TMTC2: variants seen among roughly 807,000 people sequenced by gnomAD.
The protein encoded by TMTC2 is protein O-mannosyl-transferase TMTC2.
Under a neutral mutation model 82.4 loss-of-function variants are expected in TMTC2, and 43 were observed. That is an observed-to-expected ratio of 0.52 (90% CI 0.41 to 0.67). The LOEUF (loss-of-function observed/expected upper bound fraction) is 0.67, where lower values mean the gene tolerates loss of function less well. Ranked by LOEUF, TMTC2 falls within the 30% of genes least tolerant of loss-of-function variation. The pLI, the probability that TMTC2 is intolerant of heterozygous loss-of-function variation, is 0.00. For synonymous variants in TMTC2, 408 were observed against 381.9 expected (o/e 1.07, Z -0.80); for missense variants, 919 against 1,012.4 (o/e 0.91, Z 1.25).
chr12:82,882,287 C>A lies in TMTC2; in HGVS notation c.655-13531C>A, dbSNP rs1031069804. On this transcript the variant is annotated intron_variant, in intron 2 of 11. Transcript: ENST00000321196. ...GTGCTGGGATTACAGGCGTGAGCCA[C>A]CGCGCCCGGCCAAGATGTTTTTAAA... is the stretch of plus-strand genomic sequence containing the variant. Among the ~76,000 whole-genome samples, 3 of 152,244 alleles carry A rather than the reference C, an allele frequency of 2.0e-5. No homozygotes were observed. The South Asian group carries it at 6.2e-4, about 32-fold the overall frequency.
intron 4 of TMTC2, among the ~76,000 whole-genome samples, chr12:82,938,340 T>C (rs1876523115): frequency 6.6e-6 from 1 of 152,082 alleles, no homozygotes; most frequent in Non-Finnish European, 1.5e-5. Flanking sequence ...CTACTTGACG[T>C]AGAGTTTAAA....
rs540388389 is a variant in TMTC2 at position 82,713,302 on chromosome 12, C to T, written c.83+25633C>T. The stretch of plus-strand genomic sequence containing the variant: ...TGCACTCCAACCTGGGCAACAAGAA[C>T]GAAACTCTGTTTCAAAAAAAAAAGA... On this transcript the variant is annotated intron_variant, in intron 1 of 11. Coordinates refer to ENST00000321196, the MANE Select transcript of TMTC2 (RefSeq NM_152588.3). 1.7e-4 allele frequency among the ~76,000 whole-genome samples: 25 copies of T among 148,586 alleles called. No individual in the cohort carries two copies. The South Asian group carries it at 4.3e-3, about 25-fold the overall frequency.
At chr12:82,815,851 G>T (rs879913047) in intron 1 of TMTC2, among the ~76,000 whole-genome samples, 1 of 152,040 alleles carries the variant, frequency 6.6e-6, no homozygotes, top group Non-Finnish European at 1.5e-5. Context: ...TCATTAACTT[G>T]TATTACAAAG....
chr12:82,931,708 A>G (rs1876038840), intron 4 of TMTC2, among the ~76,000 whole-genome samples: 1 of 152,098 alleles, frequency 6.6e-6, no homozygotes, highest in South Asian at 2.1e-4. Flanking sequence ...GGTTTGCTCC[A>G]TTTTCTGTGG....
At chr12:82,858,699 TG>T (rs1463051184) in intron 2 of TMTC2, among the ~76,000 whole-genome samples, 1 of 152,118 alleles carries the variant, frequency 6.6e-6, no homozygotes, top group Middle Eastern at 3.2e-3. Context: ...GCTTTTTCTC[TG>T]CTGGAAACCT....
At chr12:83,076,380 CCAACAT>C (rs1417709161) in intron 11 of TMTC2, among the ~76,000 whole-genome samples, 1 of 152,108 alleles carries the variant, frequency 6.6e-6, no homozygotes. Context: ...TTCTCTGATT[CCAACAT>C]ATTTCTTTTT....
intron 11 of TMTC2, among the ~76,000 whole-genome samples, chr12:83,093,043 C>G (rs982479313): frequency 1.2e-4 from 18 of 152,162 alleles, no homozygotes; most frequent in African/African-American, 4.1e-4. Flanking sequence ...CCCACATTCT[C>G]CCTTGCAGGA....
chr12:83,025,200 C>CA (rs35813949), intron 8 of TMTC2, among the ~76,000 whole-genome samples: 15 of 150,614 alleles, frequency 1.0e-4, no homozygotes, highest in Non-Finnish European at 1.6e-4. Flanking sequence ...AACTCTGTCT[C>CA]AAAAAAAAAA....
chr12:83,035,101 A>C (rs1881607660), intron 9 of TMTC2, among the ~76,000 whole-genome samples: 1 of 152,150 alleles, frequency 6.6e-6, no homozygotes, highest in African/African-American at 2.4e-5. Flanking sequence ...CTCTTGTGTG[A>C]TTTTGTGGTT....
chr12:82,991,080 T>C (rs148723367), intron 8 of TMTC2, among the ~76,000 whole-genome samples: 237 of 152,048 alleles, frequency 1.6e-3, no homozygotes, highest in Middle Eastern at 6.8e-3. Flanking sequence ...CCTTAGGGAG[T>C]ATTATCCCCT....
At chr12:83,098,881 A>T (rs922428796) in intron 11 of TMTC2, among the ~76,000 whole-genome samples, 1 of 152,082 alleles carries the variant, frequency 6.6e-6, no homozygotes, top group Non-Finnish European at 1.5e-5. Context: ...GGCCCCATGA[A>T]TCTGTCCTTG....
At chr12:83,008,777 T>C (rs976831919) in intron 8 of TMTC2, among the ~76,000 whole-genome samples, 2 of 152,208 alleles carry the variant, frequency 1.3e-5, no homozygotes, top group Admixed American at 1.3e-4. Context: ...GGTATTAATC[T>C]GGCTGTGAAC....
chr12:83,104,850 C>G (rs1884343444), intron 11 of TMTC2, among the ~76,000 whole-genome samples: 1 of 152,212 alleles, frequency 6.6e-6, no homozygotes, highest in African/African-American at 2.4e-5. Context: ...CATGGCCAGA[C>G]TACAGAATGT....
At chr12:82,749,431 G>T (rs565168517) in intron 1 of TMTC2, among the ~76,000 whole-genome samples, 1 of 152,180 alleles carries the variant, frequency 6.6e-6, no homozygotes, top group Admixed American at 6.5e-5. Context: ...TTACTTGCTT[G>T]GTGTCTCTCA....
At chr12:83,062,536 C>T (rs977628828) in intron 11 of TMTC2, among the ~76,000 whole-genome samples, 1 of 151,816 alleles carries the variant, frequency 6.6e-6, no homozygotes. Flanking sequence ...CTGTTCTTCA[C>T]ATCAAGACCA....
intron 1 of TMTC2, among the ~76,000 whole-genome samples, chr12:82,747,085 A>G (rs1875731331): frequency 6.6e-6 from 1 of 152,162 alleles, no homozygotes; most frequent in Non-Finnish European, 1.5e-5. Context: ...TGAGTTTCTG[A>G]CCTACAGAAC....
chr12:82,811,278 G>T (rs1592540892), intron 1 of TMTC2, among the ~76,000 whole-genome samples: 1 of 151,874 alleles, frequency 6.6e-6, no homozygotes, highest in African/African-American at 2.4e-5. Flanking sequence ...CCAGTCTTGG[G>T]CAGTTCTTTA....
chr12:82,751,099 T>TTAAATATA (rs1281262764), intron 1 of TMTC2, among the ~76,000 whole-genome samples: 1 of 152,124 alleles, frequency 6.6e-6, no homozygotes, highest in Non-Finnish European at 1.5e-5. Flanking sequence ...GTTTCTAAAA[T>TTAAATATA]TAAATATATA....
chr12:82,929,227 AT>A (rs1468223992), intron 3 of TMTC2, among the ~76,000 whole-genome samples: 2 of 151,600 alleles, frequency 1.3e-5, no homozygotes, highest in South Asian at 4.2e-4. Context: ...TAATTTTTGT[AT>A]TTTTTTGTTG....
Sources: gnomAD v4.1 joint callset for allele counts (sites outside exome capture counted in the v4.1 genomes callset) on GRCh38, gnomAD v4.1.1 for gene constraint, MANE v1.5 for transcripts, NCBI Gene and HGNC (gene_info 2026-07-23, HGNC 2026-07-21) for gene names.